BCCIP: variants seen among roughly 807,000 people sequenced by gnomAD.
BCCIP encodes BRCA2 and CDKN1A-interacting protein.
In BCCIP, 23 loss-of-function variants were observed where a neutral mutation model predicts 32.8. The observed-to-expected ratio is 0.70, with a 90% CI of 0.51 to 0.99. The LOEUF (loss-of-function observed/expected upper bound fraction) is 0.99. Among genes scored for constraint, BCCIP ranks in the 50% least tolerant of loss-of-function variants. The probability of loss-of-function intolerance (pLI) is 0.00; values close to 1 mark genes in which losing one functional copy is unlikely to be tolerated. For synonymous variants in BCCIP, 144 were observed against 137.6 expected, an observed-to-expected ratio of 1.05 and a Z score of -0.33; for missense variants, 378 against 379.8, an observed-to-expected ratio of 1.00 and a Z score of 0.04.
chr10:125,851,270 G>A (rs1173717197), intron 7 of BCCIP, among the ~76,000 whole-genome samples: 1 of 152,142 alleles, frequency 6.6e-6, no homozygotes, highest in Non-Finnish European at 1.5e-5. Flanking sequence ...TTTTCCCCAA[G>A]CACAGCAGAA....
downstream of BCCIP, chr10:125,841,316 C>T (rs202014853): frequency 5.8e-5 from 93 of 1,613,808 alleles, no homozygotes; most frequent in Non-Finnish European, 6.9e-5. Context: ...GAACCAGTTC[C>T]GATACAGCAC....
chr10:125,852,395 T>G lies in BCCIP; in HGVS notation c.851-730T>G. ...TTGGCTTCCTGCATTTCTGCTGGCT[T>G]CAGTGGCGTCATGTCTTTGGAGGCA... On this transcript the variant is annotated intron_variant, in intron 7 of 7. Transcript: ENST00000368759. The G allele has an allele frequency of 6.2e-7, 1 of 1,614,208 alleles. No individual in the cohort carries two copies. The highest frequency in any genetic ancestry group is 8.5e-7 in the Non-Finnish European group (1 of 1,180,034).
chr10:125,840,837 A>G (rs547254735), downstream of BCCIP: 3 of 1,563,740 alleles, frequency 1.9e-6, no homozygotes, highest in East Asian at 2.3e-5. Flanking sequence ...GTTTCTGAGC[A>G]TTCACTTACA....
Position 125,831,450 on chromosome 10 carries a change from T to C in BCCIP, c.442T>C (p.Leu148=), listed in dbSNP as rs201532843. 3.5e-5 allele frequency: 56 copies of C among 1,614,024 alleles called. No homozygotes were observed. In the East Asian group the frequency reaches 8.7e-4, roughly 25 times the overall value. Residue 148 remains leucine (L), a synonymous_variant, in exon 5 of 7, where the codon TTG becomes CTG. Coordinates refer to ENST00000278100, the MANE Select transcript of BCCIP (RefSeq NM_078468.3). ...CCAGTGTGTTGAACAAATTCAAGAGTTGGTTCTACGCTTCTGTGAGAAGAA... is the reference window on the plus strand; with the variant it reads ...CCAGTGTGTTGAACAAATTCAAGAGCTGGTTCTACGCTTCTGTGAGAAGAA... The part of the protein sequence containing the change: ...GTQCVEQIQE[L]VLRFCEKNCE...
At chr10:125,841,374 G>A (rs1180172439), downstream of BCCIP, 1 of 1,613,038 alleles carries the variant, frequency 6.2e-7, no homozygotes. Flanking sequence ...AAACATACAA[G>A]CCAGGATGAA....
At chr10:125,848,473 C>T (rs770969058) in intron 7 of BCCIP, among the ~76,000 whole-genome samples, 9 of 152,194 alleles carry the variant, frequency 5.9e-5, no homozygotes, top group Non-Finnish European at 1.3e-4. Flanking sequence ...CACATGGCCA[C>T]CCAGCTGTTT....
intron 7 of BCCIP, among the ~76,000 whole-genome samples, chr10:125,849,993 G>T (rs950037910): frequency 6.6e-6 from 1 of 152,024 alleles, no homozygotes; most frequent in African/African-American, 2.4e-5. Context: ...TTGAACCAGG[G>T]TCTTGCTCTG....
At chr10:125,840,755 C>G, downstream of BCCIP, 1 of 1,401,154 alleles carries the variant, frequency 7.1e-7, no homozygotes, top group African/African-American at 1.4e-5. Context: ...GTAGGGCTGG[C>G]GAAGAATGTT....
intron 1 of BCCIP, among the ~76,000 whole-genome samples, chr10:125,824,308 T>C (rs968517157): frequency 6.6e-5 from 10 of 152,258 alleles, no homozygotes; most frequent in African/African-American, 2.2e-4. Flanking sequence ...TTCTTCAGAC[T>C]AGGTCCTACC....
At chr10:125,825,022 A>T (rs977458130) in intron 1 of BCCIP, among the ~76,000 whole-genome samples, 1 of 152,252 alleles carries the variant, frequency 6.6e-6, no homozygotes, top group Non-Finnish European at 1.5e-5. Flanking sequence ...TACAAATTTT[A>T]CTTTGGCTCT....
downstream of BCCIP, among the ~76,000 whole-genome samples, chr10:125,838,004 CT>C (rs1364216951): frequency 2.6e-5 from 4 of 152,142 alleles, no homozygotes; most frequent in Non-Finnish European, 4.4e-5. Flanking sequence ...TCTACACTGT[CT>C]TTTCTATGCT....
downstream of BCCIP, chr10:125,838,506 GC>G: frequency 1.1e-6 from 1 of 940,738 alleles, no homozygotes; most frequent in South Asian, 2.2e-5. Flanking sequence ...ACTAACGTTT[GC>G]CACTCATGTT....
At chr10:125,844,413 T>C (rs1024550058), downstream of BCCIP, among the ~76,000 whole-genome samples, 4 of 152,244 alleles carry the variant, frequency 2.6e-5, no homozygotes, top group African/African-American at 9.6e-5. Flanking sequence ...TACTATTCAT[T>C]TTTACACCCT....
intron 1 of BCCIP, 58 bp from the exon 2 acceptor site, chr10:125,826,533 T>C: frequency 6.2e-7 from 1 of 1,603,752 alleles, no homozygotes; most frequent in Non-Finnish European, 8.5e-7. Flanking sequence ...TTTGCCTGTT[T>C]TAAAGTCTAG....
chr10:125,834,668 G>T (rs1442417068), intron 6 of BCCIP, among the ~76,000 whole-genome samples: 1 of 151,756 alleles, frequency 6.6e-6, no homozygotes, highest in Non-Finnish European at 1.5e-5. Context: ...AAAATTAGCC[G>T]GGCATGGTGG....
rs941892344 is a variant in BCCIP, at chr10:125,836,437, A to T, written c.*163A>T. ...CACATTTACAAAATACCAGTTTTTTAAAATTTTGGTCAAATTATGAGTGGT... is the reference window on the plus strand; with the variant it reads ...CACATTTACAAAATACCAGTTTTTTTAAATTTTGGTCAAATTATGAGTGGT... On this transcript the variant is annotated 3_prime_UTR_variant, in exon 7 of 7. Transcript: ENST00000278100. The T allele has an allele frequency of 3.5e-6, 5 of 1,436,998 alleles. No homozygotes were observed. Among genetic ancestry groups the T allele is most frequent in the East Asian group, 2.5e-5 (1 of 39,500 alleles). 89.0% of individuals were successfully genotyped at this position (1,436,998 alleles called of 1,614,324 possible).
In BCCIP at chr10:125,835,136, A is replaced by G. The variant is rs116402070; in HGVS notation, c.775-968A>G. ...CGACAGAGCGAGACTCTGTCTCAGA[A>G]AAAAAAAAATCTTGAAGTGTATCTC... On this transcript the variant is annotated intron_variant, in intron 6 of 6. Transcript: ENST00000278100. Among the ~76,000 whole-genome samples, 1,346 of 150,350 alleles carry G rather than the reference A, an allele frequency of 9.0e-3. 21 individuals carry two copies. Among genetic ancestry groups the G allele is most frequent in the African/African-American group, 0.031 (1,258 of 41,132 alleles).
intron 5 of BCCIP, among the ~76,000 whole-genome samples, chr10:125,832,800 A>G (rs906002088): frequency 6.8e-6 from 1 of 147,490 alleles, no homozygotes; most frequent in African/African-American, 2.5e-5. Context: ...ACAAGACCCT[A>G]TCTTTTTTTT....
intron 1 of BCCIP, chr10:125,825,614 T>G (rs960007915): frequency 2.0e-5 from 3 of 152,188 alleles, no homozygotes; most frequent in African/African-American, 7.2e-5. Context: ...AAGACTTAAA[T>G]ATATACATAG....
Sources: allele counts gnomAD v4.1 joint callset (sites outside exome capture counted in the v4.1 genomes callset), GRCh38; gene constraint gnomAD v4.1.1; transcripts MANE v1.5; gene names NCBI Gene and HGNC (gene_info 2026-07-23, HGNC 2026-07-21).